Variants in PIK3AP1 observed in about 807,000 individuals in gnomAD.
PIK3AP1 encodes phosphoinositide 3-kinase adapter protein 1.
PIK3AP1 carries 21 observed loss-of-function variants against 88.1 expected under a neutral mutation model. The ratio of observed to expected loss-of-function variants is 0.24; its 90% CI spans 0.17 to 0.34. PIK3AP1 has a LOEUF of 0.34. Ranked by LOEUF, PIK3AP1 falls within the 10% of genes least tolerant of loss-of-function variation. The pLI is 1.00. For synonymous variants in PIK3AP1, 398 were observed against 400.0 expected (o/e 1.00, Z 0.06); for missense variants, 828 against 1,035.7 (o/e 0.80, Z 2.75).
At chr10:96,638,656 C>A (rs1322291011) in intron 8 of PIK3AP1, among the ~76,000 whole-genome samples, 1 of 152,230 alleles carries the variant, frequency 6.6e-6, no homozygotes, top group Non-Finnish European at 1.5e-5. Flanking sequence ...AGCACAAAGA[C>A]CCTCTGCCAT....
chr10:96,598,766 A>G (rs989252882), intron 16 of PIK3AP1, among the ~76,000 whole-genome samples: 2 of 152,208 alleles, frequency 1.3e-5, no homozygotes, highest in African/African-American at 4.8e-5. Context: ...TAAAGGATGT[A>G]TAGGAATTTT....
At chr10:96,654,866 C>T (rs191263658) in intron 3 of PIK3AP1, among the ~76,000 whole-genome samples, 1 of 152,148 alleles carries the variant, frequency 6.6e-6, no homozygotes, top group Non-Finnish European at 1.5e-5. Flanking sequence ...TCCACAAAGG[C>T]ATGGCCAGTA....
At position 96,696,185 on chromosome 10, in the gene PIK3AP1, C is replaced by T. The variant is rs909705995; in HGVS notation, c.430+13382G>A. 1.1e-4 allele frequency among the ~76,000 whole-genome samples: 16 copies of T among 152,192 alleles called. 1 individual carries two copies. Among genetic ancestry groups the T allele is most frequent in the Non-Finnish European group, 2.4e-4 (16 of 68,044 alleles). On this transcript the variant is annotated intron_variant, in intron 2 of 16. Coordinates refer to ENST00000339364, the MANE Select transcript of PIK3AP1 (RefSeq NM_152309.3). ...ACCACCATTTACTAGGCATCTACCA[C>T]ACATAAAACATTGTCAGTAAGAGAC...
rs367980584 is a variant in PIK3AP1 at position 96,656,788 on chromosome 10, C to G, written c.567+10G>C. 9.4e-5 allele frequency: 151 copies of G among 1,613,400 alleles called. No homozygotes were observed. The highest frequency in any genetic ancestry group is 1.2e-4 in the Non-Finnish European group (146 of 1,179,738). On this transcript the variant is annotated intron_variant, in intron 3 of 16. Transcript: ENST00000339364. ...TGACATCCAGCTACCAGGCCCCCAG[C>G]AGTGCCTACCCCACAGCGAATGCGG...
chr10:96,648,384 A>C (rs184958239), intron 7 of PIK3AP1, among the ~76,000 whole-genome samples: 19 of 152,336 alleles, frequency 1.2e-4, no homozygotes, highest in African/African-American at 3.8e-4. Flanking sequence ...TCTATGACTC[A>C]AACTATGATT....
intron 2 of PIK3AP1, among the ~76,000 whole-genome samples, chr10:96,694,484 C>CTCCCCTCCCCTCCCT (rs1844194680): frequency 6.6e-6 from 1 of 150,720 alleles, no homozygotes; most frequent in Non-Finnish European, 1.5e-5. Flanking sequence ...TTTCCCTTCC[C>CTCCCCTCCCCTCCCT]TCCCCTCCCC....
intron 2 of PIK3AP1, among the ~76,000 whole-genome samples, chr10:96,677,525 C>T (rs1219236632): frequency 1.3e-5 from 2 of 150,892 alleles, no homozygotes; most frequent in Non-Finnish European, 2.9e-5. Context: ...TCTGTCCTGC[C>T]CCGATGCTCT....
chr10:96,637,590 T>A (rs761817104), intron 8 of PIK3AP1, among the ~76,000 whole-genome samples: 2 of 152,068 alleles, frequency 1.3e-5, no homozygotes, highest in Non-Finnish European at 2.9e-5. Context: ...ACTCAAGCGA[T>A]CTGCCCACTT....
intron 6 of PIK3AP1, among the ~76,000 whole-genome samples, chr10:96,650,095 C>T (rs1843516149): frequency 6.6e-6 from 1 of 152,112 alleles, no homozygotes; most frequent in Non-Finnish European, 1.5e-5. Flanking sequence ...CTCAAATTGT[C>T]AGGCTATGAA....
chr10:96,710,884 T>C (rs1338772636), intron 1 of PIK3AP1, among the ~76,000 whole-genome samples: 1 of 152,186 alleles, frequency 6.6e-6, no homozygotes, highest in East Asian at 1.9e-4. Context: ...ACAGTGCTTG[T>C]CATATAGAAA....
intron 2 of PIK3AP1, 28 bp downstream of exon 2, chr10:96,709,539 C>A (rs764309727): frequency 1.3e-4 from 202 of 1,568,990 alleles, no homozygotes; most frequent in Middle Eastern, 1.7e-4. Flanking sequence ...TTTTCTAGGG[C>A]TTGCTTATCT....
intron 2 of PIK3AP1, among the ~76,000 whole-genome samples, chr10:96,677,314 GT>G (rs1267317774): frequency 6.6e-6 from 1 of 152,054 alleles, no homozygotes; most frequent in African/African-American, 2.4e-5. Context: ...ATCATGTTTG[GT>G]TTCTTTGCAA....
At chr10:96,652,950 C>T in intron 3 of PIK3AP1, 108 bp from the exon 4 acceptor site, 1 of 1,307,746 alleles carries the variant, frequency 7.6e-7, no homozygotes, top group Non-Finnish European at 1.0e-6. Context: ...TAGTGAGAAT[C>T]TCTGGGGACA....
chr10:96,687,775 C>T (rs1844094666), intron 2 of PIK3AP1, among the ~76,000 whole-genome samples: 1 of 152,174 alleles, frequency 6.6e-6, no homozygotes, highest in Non-Finnish European at 1.5e-5. Context: ...AGCATGTAAA[C>T]ACTAGACCCA....
rs577787980 is a variant in PIK3AP1, at chr10:96,688,597, G to C, written c.430+20970C>G. On this transcript the variant is annotated intron_variant, in intron 2 of 16. Transcript: ENST00000339364. ...GTGGATTACTTGAGGTCAGGAGTTCGAGACCAGCCTGGCCAACATGGTGAA... is the reference window on the plus strand; with the variant it reads ...GTGGATTACTTGAGGTCAGGAGTTCCAGACCAGCCTGGCCAACATGGTGAA... Among the ~76,000 whole-genome samples the C allele has an allele frequency of 3.3e-5, 5 of 152,212 alleles. No homozygotes were observed. In the South Asian group the frequency reaches 8.3e-4, roughly 25 times the overall value.
chr10:96,664,870 G>T (rs1267119898), intron 2 of PIK3AP1, among the ~76,000 whole-genome samples: 1 of 151,378 alleles, frequency 6.6e-6, no homozygotes, highest in Non-Finnish European at 1.5e-5. Context: ...TCCCAACAGG[G>T]CCAGGGTCCA....
chr10:96,705,884 GTTTTTTTTTTTTTTT>G (rs964917515), intron 2 of PIK3AP1, among the ~76,000 whole-genome samples: 6 of 60,970 alleles, frequency 9.8e-5, no homozygotes, highest in African/African-American at 3.1e-4. Flanking sequence ...CCAGCCAGTT[GTTTTTTTTTTTTTTT>G]TTTTTTTTTT....
Position 96,651,567 on chromosome 10 carries a change from A to G in PIK3AP1, c.797T>C (p.Met266Thr). 1 of 1,614,202 alleles carries G rather than the reference A, an allele frequency of 6.2e-7. No homozygotes were observed. Among genetic ancestry groups the G allele is most frequent in the Non-Finnish European group, 8.5e-7 (1 of 1,180,006 alleles). Residue 266 changes from methionine (M) to threonine (T), a missense_variant, in exon 5 of 17, where the codon ATG becomes ACG. Met to Thr is a moderately conservative substitution (Grantham distance 81, BLOSUM62 -1). This residue lies in a region of PIK3AP1 where 610 missense variants were observed against 760.1 expected (regional missense o/e 0.80). Coordinates refer to ENST00000339364, the MANE Select transcript of PIK3AP1 (RefSeq NM_152309.3). ...CETVISYYTDMEEIGNLLSNA... is the reference protein window; with the variant it reads ...CETVISYYTDTEEIGNLLSNA... ...GGACAATAAATTCCCAATTTCTTCC[A>G]TGTCAGTATAATAGCTGATAACGGT...
intron 2 of PIK3AP1, among the ~76,000 whole-genome samples, chr10:96,683,723 T>C (rs955694156): frequency 6.6e-6 from 1 of 152,254 alleles, no homozygotes; most frequent in African/African-American, 2.4e-5. Flanking sequence ...CAAGCATTTA[T>C]TGAGCACTAG....
Sources: allele counts gnomAD v4.1 joint callset (sites outside exome capture counted in the v4.1 genomes callset), GRCh38; gene constraint gnomAD v4.1.1; regional missense constraint gnomAD v4.1.1; transcripts MANE v1.5; gene names NCBI Gene and HGNC (gene_info 2026-07-23, HGNC 2026-07-21).